The following SMYD3 variants were observed in gnomAD, a reference collection of about 807,000 sequenced individuals.
The protein encoded by SMYD3 is SET and MYND domain containing 3.
In SMYD3, 36 loss-of-function variants were observed where a neutral mutation model predicts 57.7. That is an observed-to-expected ratio of 0.62 (90% CI 0.48 to 0.82). The LOEUF (loss-of-function observed/expected upper bound fraction) is 0.82. Among genes scored for constraint, SMYD3 ranks in the 40% least tolerant of loss-of-function variants. SMYD3 has a pLI of 0.00. For missense variants in SMYD3, 515 were observed against 538.8 expected, an observed-to-expected ratio of 0.96 and a Z score of 0.44; for synonymous variants, 211 against 195.0, an observed-to-expected ratio of 1.08 and a Z score of -0.68.
Position 245,813,100 on chromosome 1 carries a change from C to T in SMYD3, c.1076+45396G>A, listed in dbSNP as rs541779422. Among the ~76,000 whole-genome samples the T allele has an allele frequency of 4.5e-4, 67 of 149,738 alleles. 1 individual carries two copies. Among genetic ancestry groups the T allele is most frequent in the South Asian group, 6.4e-4 (3 of 4,704 alleles). On this transcript the variant is annotated intron_variant, in intron 10 of 11. Transcript: ENST00000490107. ...CGCGATCTCAGCTCATTGTAACCTC[C>T]GCCTCCCAGGTTCAAGTGATTCTCC...
In SMYD3 at chr1:245,874,317, G is replaced by T. The variant is rs147333134; in HGVS notation, c.814-10431C>A. Among the ~76,000 whole-genome samples the T allele has an allele frequency of 1.6e-3, 238 of 152,270 alleles. 4 individuals are homozygous for T. The highest frequency in any genetic ancestry group is 3.8e-4 in the Non-Finnish European group (26 of 68,010). On this transcript the variant is annotated intron_variant, in intron 8 of 11. Coordinates refer to ENST00000490107, the MANE Select transcript of SMYD3 (RefSeq NM_001167740.2). ...AATATTCCAAGCTTGGGTAAACATG[G>T]TATTTGCTTATCTGCTAAAGCGAGC...
At chr1:245,875,820 G>T (rs1008460594) in intron 8 of SMYD3, among the ~76,000 whole-genome samples, 2 of 152,120 alleles carry the variant, frequency 1.3e-5, no homozygotes, top group African/African-American at 4.8e-5. Context: ...TAACTTTTGA[G>T]ACTACTCTGA....
chr1:245,894,508 A>C (rs1188420229), intron 8 of SMYD3, among the ~76,000 whole-genome samples: 2 of 152,070 alleles, frequency 1.3e-5, no homozygotes, highest in African/African-American at 2.4e-5. Context: ...TGCCATCTTT[A>C]AGAGCTCTAA....
At chr1:246,000,963 C>T (rs575335098) in intron 5 of SMYD3, among the ~76,000 whole-genome samples, 3 of 152,196 alleles carry the variant, frequency 2.0e-5, no homozygotes, top group South Asian at 2.1e-4. Context: ...TTATTTTGTC[C>T]GAGTAAGGTT....
chr1:246,243,514 C>T (rs1205835845), intron 5 of SMYD3, among the ~76,000 whole-genome samples: 2 of 150,528 alleles, frequency 1.3e-5, no homozygotes, highest in Non-Finnish European at 1.5e-5. Context: ...TCACCTGCCT[C>T]TGGAAATCCT....
intron 5 of SMYD3, among the ~76,000 whole-genome samples, chr1:246,165,560 G>C (rs1475851584): frequency 1.3e-5 from 2 of 152,128 alleles, no homozygotes; most frequent in African/African-American, 4.8e-5. Flanking sequence ...GGTGAGGAGA[G>C]GTGAAGGGTT....
intron 1 of SMYD3, among the ~76,000 whole-genome samples, chr1:246,384,649 G>T (rs567850384): frequency 6.6e-6 from 1 of 152,008 alleles, no homozygotes; most frequent in Non-Finnish European, 1.5e-5. Context: ...TGCCCGCCTC[G>T]GCCTCCCAAA....
Position 246,203,108 on chromosome 1 carries a change from G to A in SMYD3, c.531+124093C>T, listed in dbSNP as rs182620725. Among the ~76,000 whole-genome samples the A allele has an allele frequency of 5.8e-4, 88 of 152,134 alleles. No homozygotes were observed. The highest frequency in any genetic ancestry group is 1.8e-3 in the African/African-American group (76 of 41,512). On this transcript the variant is annotated intron_variant, in intron 5 of 11. Coordinates refer to ENST00000490107, the MANE Select transcript of SMYD3 (RefSeq NM_001167740.2). This position sits in a 1 kb window ranked among gnomAD's most constrained non-coding sequence, Gnocchi z 4.6. The stretch of plus-strand genomic sequence containing the variant: ...CCACTGCACTCCAGAGCAAGACTCC[G>A]TCTCAAAAAATAAAAGAAAAGAAAA...
chr1:246,219,887 G>C (rs960465891), intron 5 of SMYD3, among the ~76,000 whole-genome samples: 1 of 152,096 alleles, frequency 6.6e-6, no homozygotes, highest in African/African-American at 2.4e-5. Flanking sequence ...GTTCACTGCT[G>C]GTGCCGTAGT....
chr1:245,782,407 GA>G (rs1332019323), intron 10 of SMYD3, among the ~76,000 whole-genome samples: 1 of 152,190 alleles, frequency 6.6e-6, no homozygotes, highest in Non-Finnish European at 1.5e-5. Context: ...AAACGTTCAT[GA>G]AAAGAAAGAT....
At chr1:246,174,348 C>T (rs1282822289) in intron 5 of SMYD3, among the ~76,000 whole-genome samples, 1 of 152,098 alleles carries the variant, frequency 6.6e-6, no homozygotes, top group Non-Finnish European at 1.5e-5. Flanking sequence ...TAGAAAGTTC[C>T]CCGCTCTATT....
intron 1 of SMYD3, among the ~76,000 whole-genome samples, chr1:246,478,933 C>T (rs2068066107): frequency 6.7e-6 from 1 of 148,218 alleles, no homozygotes. Flanking sequence ...TGTCCTCCGT[C>T]CTGGAGCTGG....
At chr1:246,198,455 A>G (rs1410965173) in intron 5 of SMYD3, among the ~76,000 whole-genome samples, 2 of 152,252 alleles carry the variant, frequency 1.3e-5, no homozygotes, top group African/African-American at 4.8e-5. Flanking sequence ...GAGCAGTAAA[A>G]TGAATTTGAT....
At chr1:246,106,251 C>T (rs1188730770) in intron 5 of SMYD3, among the ~76,000 whole-genome samples, 1 of 152,172 alleles carries the variant, frequency 6.6e-6, no homozygotes, top group Non-Finnish European at 1.5e-5. Context: ...CAGGAGAATC[C>T]TCCTCAAAAG....
intron 5 of SMYD3, among the ~76,000 whole-genome samples, chr1:246,140,892 GC>G (rs1443093056): frequency 6.6e-6 from 1 of 152,162 alleles, no homozygotes; most frequent in African/African-American, 2.4e-5. Context: ...ACCAAGCCCA[GC>G]TGGAAGGAAA....
chr1:246,259,838 T>C (rs1054242195), intron 5 of SMYD3, among the ~76,000 whole-genome samples: 21 of 152,206 alleles, frequency 1.4e-4, no homozygotes, highest in African/African-American at 5.1e-4. Context: ...GAGGTATGCC[T>C]AGGCATGGAG....
intron 10 of SMYD3, among the ~76,000 whole-genome samples, chr1:245,814,901 C>T (rs1216556478): frequency 6.6e-6 from 1 of 151,940 alleles, no homozygotes; most frequent in Non-Finnish European, 1.5e-5. Context: ...CACACACACA[C>T]ACTCTATCTT....
intron 5 of SMYD3, among the ~76,000 whole-genome samples, chr1:246,142,284 A>G (rs1202034540): frequency 6.6e-6 from 1 of 152,216 alleles, no homozygotes; most frequent in East Asian, 1.9e-4. Flanking sequence ...AACAATTATA[A>G]TAATATACTA....
chr1:245,774,223 G>T (rs2046449525), intron 10 of SMYD3, among the ~76,000 whole-genome samples: 1 of 152,174 alleles, frequency 6.6e-6, no homozygotes, highest in African/African-American at 2.4e-5. Context: ...GTGGGACTTG[G>T]GGGACAAAAG....
Sources: allele counts gnomAD v4.1 joint callset (sites outside exome capture counted in the v4.1 genomes callset), GRCh38; gene constraint gnomAD v4.1.1; non-coding constraint Gnocchi (gnomAD v3.1); transcripts MANE v1.5; gene names NCBI Gene and HGNC (gene_info 2026-07-23, HGNC 2026-07-21).